The following ABCD3 variants were observed in gnomAD, a reference collection of about 807,000 sequenced individuals.
ABCD3 encodes the protein ATP binding cassette subfamily D member 3.
Under a neutral mutation model 105.5 loss-of-function variants are expected in ABCD3, and 41 were observed. The ratio of observed to expected loss-of-function variants is 0.39; its 90% CI spans 0.30 to 0.50. The LOEUF (loss-of-function observed/expected upper bound fraction) is 0.50, where lower values mean the gene tolerates loss of function less well. ABCD3 is among the 20% of genes least tolerant of loss of function. ABCD3 has a pLI of 0.84. For missense variants in ABCD3, 622 were observed against 806.3 expected, an observed-to-expected ratio of 0.77 and a Z score of 2.77; for synonymous variants, 258 against 269.0, an observed-to-expected ratio of 0.96 and a Z score of 0.40.
At chr1:94,487,432 T>C in intron 10 of ABCD3, 110 bp from the exon 11 acceptor site, 2 of 938,286 alleles carry the variant, frequency 2.1e-6, no homozygotes, top group Non-Finnish European at 3.3e-6. Flanking sequence ...TCACGGGCAC[T>C]CAGTAAATAT....
intron 1 of ABCD3, among the ~76,000 whole-genome samples, chr1:94,422,695 C>A (rs1659305717): frequency 6.6e-6 from 1 of 152,152 alleles, no homozygotes; most frequent in South Asian, 2.1e-4. Flanking sequence ...AGTTGAAGAA[C>A]TTTTAAGCGT....
At chr1:94,516,560 G>A (rs4148038) in intron 22 of ABCD3, among the ~76,000 whole-genome samples, 3,425 of 151,862 alleles carry the variant, frequency 0.023, 54 homozygotes, top group Middle Eastern at 0.068. Context: ...TAATCATCAC[G>A]CCAGTGATCA....
chr1:94,486,348 T>C (rs561013454), intron 10 of ABCD3, among the ~76,000 whole-genome samples: 1 of 152,336 alleles, frequency 6.6e-6, no homozygotes, highest in South Asian at 2.1e-4. Flanking sequence ...TGTATTACAG[T>C]CTCTAATTAT....
intron 20 of ABCD3, among the ~76,000 whole-genome samples, chr1:94,500,270 C>T (rs555598126): frequency 1.6e-4 from 24 of 152,018 alleles, no homozygotes; most frequent in Admixed American, 1.4e-3. Flanking sequence ...TAGCAAGACC[C>T]TTTCTCTACA....
At chr1:94,486,916 T>C (rs1417312105) in intron 10 of ABCD3, among the ~76,000 whole-genome samples, 1 of 152,214 alleles carries the variant, frequency 6.6e-6, no homozygotes, top group Non-Finnish European at 1.5e-5. Flanking sequence ...TGCCAGATCA[T>C]GCAGGACCTT....
chr1:94,386,023 G>GTTTCTTTC, the ABCD3 span, among the ~76,000 whole-genome samples: 23 of 151,522 alleles, frequency 1.5e-4, no homozygotes, highest in African/African-American at 5.1e-4. Context: ...TTTAGAATCT[G>GTTTCTTTC]TTTCTTTCTT....
At chr1:94,499,332 C>A (rs1392217499) in intron 19 of ABCD3, among the ~76,000 whole-genome samples, 163 bp from the exon 20 acceptor site, 2 of 151,924 alleles carry the variant, frequency 1.3e-5, no homozygotes, top group South Asian at 2.1e-4. Flanking sequence ...ATACTAGGAG[C>A]TGAAAGGTTC....
chr1:94,422,193 C>T (rs2100866898), intron 1 of ABCD3, among the ~76,000 whole-genome samples: 1 of 152,310 alleles, frequency 6.6e-6, no homozygotes, highest in Admixed American at 6.5e-5. Context: ...GTCCCCAACC[C>T]CCGGGCTGTG....
intron 1 of ABCD3, chr1:94,455,683 G>A (rs1188233617): frequency 8.4e-6 from 4 of 476,864 alleles, no homozygotes; most frequent in Non-Finnish European, 1.2e-5. Flanking sequence ...TAGATTATGT[G>A]TTCAGGCCAA....
intron 1 of ABCD3, among the ~76,000 whole-genome samples, chr1:94,434,709 A>G (rs1659833729): frequency 6.6e-6 from 1 of 152,238 alleles, no homozygotes; most frequent in Non-Finnish European, 1.5e-5. Flanking sequence ...AGATTATACC[A>G]CAGACAGAAA....
At chr1:94,427,820 A>G (rs947430453) in intron 1 of ABCD3, among the ~76,000 whole-genome samples, 8 of 152,200 alleles carry the variant, frequency 5.3e-5, no homozygotes, top group Non-Finnish European at 7.3e-5. Context: ...GTTGTTTAAA[A>G]TGGCATTTAT....
intron 9 of ABCD3, 49 bp downstream of exon 9, chr1:94,480,655 A>G (rs1279649608): frequency 6.3e-7 from 1 of 1,599,170 alleles, no homozygotes; most frequent in Non-Finnish European, 8.6e-7. Flanking sequence ...TTCTATGGAT[A>G]TTGATGTCAT....
chr1:94,426,903 TG>T (rs1464344926), intron 1 of ABCD3, among the ~76,000 whole-genome samples: 6 of 150,904 alleles, frequency 4.0e-5, no homozygotes, highest in Admixed American at 3.3e-4. Context: ...TACTTATTTT[TG>T]GTTGGGCACA....
intron 2 of ABCD3, among the ~76,000 whole-genome samples, chr1:94,463,435 A>C (rs918994173): frequency 8.5e-5 from 13 of 152,216 alleles, no homozygotes; most frequent in African/African-American, 3.1e-4. Flanking sequence ...AGTTCACTTA[A>C]GGCTCATCAA....
intron 7 of ABCD3, among the ~76,000 whole-genome samples, chr1:94,476,957 G>T (rs778033542): frequency 2.7e-4 from 37 of 138,590 alleles, no homozygotes; most frequent in Non-Finnish European, 4.4e-4. Context: ...AATGGGGGGT[G>T]TATCTATACA....
the ABCD3 span, among the ~76,000 whole-genome samples, chr1:94,401,500 T>G: frequency 0.088 from 13,364 of 152,324 alleles, 662 homozygotes; most frequent in South Asian, 0.14. Flanking sequence ...TGAAATTAAC[T>G]GTAAATCCCA....
At chr1:94,390,845 C>T in the ABCD3 span, among the ~76,000 whole-genome samples, 1 of 152,088 alleles carries the variant, frequency 6.6e-6, no homozygotes. Context: ...TAACAGATCC[C>T]CTAAACCGAT....
Position 94,475,605 on chromosome 1 carries a change from C to A in ABCD3, c.504-9C>A. On this transcript the variant is annotated splice_polypyrimidine_tract_variant and intron_variant, in intron 6 of 22. Coordinates refer to ENST00000370214, the MANE Select transcript of ABCD3 (RefSeq NM_002858.4). ...TGTTTTAAAATCACTTTTCTTCTTGCTATTTTAGAGCTTTCACATATTATA... is the reference window on the plus strand; with the variant it reads ...TGTTTTAAAATCACTTTTCTTCTTGATATTTTAGAGCTTTCACATATTATA... The A allele has an allele frequency of 4.4e-6, 7 of 1,609,174 alleles. No homozygotes were observed. Among genetic ancestry groups the A allele is most frequent in the Non-Finnish European group, 6.0e-6 (7 of 1,176,260 alleles).
chr1:94,497,207 G>A (rs1018359981), intron 16 of ABCD3, among the ~76,000 whole-genome samples: 1 of 152,054 alleles, frequency 6.6e-6, no homozygotes, highest in African/African-American at 2.4e-5. Context: ...TATATGTTAT[G>A]TATATTCTTT....
Sources: gnomAD v4.1 joint callset for allele counts (sites outside exome capture counted in the v4.1 genomes callset) on GRCh38, gnomAD v4.1.1 for gene constraint, MANE v1.5 for transcripts, NCBI Gene and HGNC (gene_info 2026-07-23, HGNC 2026-07-21) for gene names.